The following AMPD3 variants were observed in gnomAD, a reference collection of about 807,000 sequenced individuals.
AMPD3 encodes the protein AMP deaminase 3.
Under a neutral mutation model 82.3 loss-of-function variants are expected in AMPD3, and 57 were observed. The observed-to-expected ratio is 0.69, with a 90% CI of 0.56 to 0.86. The LOEUF (loss-of-function observed/expected upper bound fraction) is 0.86, where lower values mean the gene tolerates loss of function less well. Ranked by LOEUF, AMPD3 falls within the 40% of genes least tolerant of loss-of-function variation. The probability of loss-of-function intolerance (pLI) is 0.00; values close to 1 mark genes in which losing one functional copy is unlikely to be tolerated. For synonymous variants in AMPD3, 381 were observed against 394.7 expected, an observed-to-expected ratio of 0.97 and a Z score of 0.41; for missense variants, 870 against 1,003.8, an observed-to-expected ratio of 0.87 and a Z score of 1.80.
At position 10,483,429 on chromosome 11, in the gene AMPD3, CT is replaced by C. The variant is rs967087760; in HGVS notation, c.589+1205del. 9.5e-4 allele frequency among the ~76,000 whole-genome samples: 145 copies of C among 152,338 alleles called. 2 individuals carry two copies. The highest frequency in any genetic ancestry group is 3.4e-3 in the African/African-American group (140 of 41,570). Reference sequence around the variant, plus strand: ...ATTTCAAGTCCTGTACTTTGAGCATCTGGGGCCCTAGGTAAATCTCAGCCCT... The same window carrying C: ...ATTTCAAGTCCTGTACTTTGAGCATCGGGGCCCTAGGTAAATCTCAGCCCT... On this transcript the variant is annotated intron_variant, in intron 4 of 14. Coordinates refer to ENST00000396553, the MANE Select transcript of AMPD3 (RefSeq NM_001025389.2).
At chr11:10,498,152 T>C (rs1023454217) in intron 10 of AMPD3, among the ~76,000 whole-genome samples, 3 of 152,248 alleles carry the variant, frequency 2.0e-5, no homozygotes, top group Non-Finnish European at 4.4e-5. Flanking sequence ...GCACAGCAGC[T>C]ACCAGCTTGC....
chr11:10,461,226 G>A (rs1163172627), intron 1 of AMPD3: 1 of 1,296,798 alleles, frequency 7.7e-7, no homozygotes, highest in Non-Finnish European at 9.9e-7. Context: ...GCCAGGTGCT[G>A]CAGATTCCCT....
intron 9 of AMPD3, 94 bp downstream of exon 9, chr11:10,495,827 C>G (rs1037454282): frequency 9.9e-6 from 15 of 1,508,696 alleles, no homozygotes; most frequent in Admixed American, 1.8e-5. Context: ...AGGGGTAGGG[C>G]CTGTTCTGGT....
At chr11:10,489,514 C>T (rs1236273712) in intron 6 of AMPD3, among the ~76,000 whole-genome samples, 1 of 152,158 alleles carries the variant, frequency 6.6e-6, no homozygotes, top group Non-Finnish European at 1.5e-5. Flanking sequence ...CCAGGGTTCT[C>T]CTGCAGTCTT....
At chr11:10,486,456 T>G in intron 5 of AMPD3, 1 of 637,406 alleles carries the variant, frequency 1.6e-6, no homozygotes, top group Non-Finnish European at 2.0e-6. Flanking sequence ...GGCTGGCAGT[T>G]GGCCACAGCA....
At chr11:10,500,573 C>T (rs4910146) in intron 11 of AMPD3, 457,200 of 981,722 alleles carry the variant, frequency 0.47, 107,022 homozygotes, top group East Asian at 0.67. Context: ...GCACACTCCA[C>T]GTGTACCTGT....
Position 10,500,089 on chromosome 11 carries a change from A to G in AMPD3, c.1561A>G (p.Thr521Ala). ...RELHLFLKYV[T>A]GFDSVDDESK... Reference sequence around the variant, plus strand: ...GCTCAGGACCTCTCCTGCCCAGGTGACGGGGTTTGACAGCGTGGATGATGA... The same window carrying G: ...GCTCAGGACCTCTCCTGCCCAGGTGGCGGGGTTTGACAGCGTGGATGATGA... Residue 521 changes from threonine to alanine, a missense_variant, in exon 11 of 15, where the codon ACG (threonine) becomes GCG (alanine). Thr to Ala is a moderately conservative substitution (Grantham distance 58). Coordinates refer to ENST00000396553, the MANE Select transcript of AMPD3 (RefSeq NM_001025389.2). The G allele has an allele frequency of 6.2e-7, 1 of 1,614,086 alleles. No individual in the cohort carries two copies. The highest frequency in any genetic ancestry group is 8.5e-7 in the Non-Finnish European group (1 of 1,179,998).
chr11:10,498,101 AC>A (rs1300209519), intron 10 of AMPD3, among the ~76,000 whole-genome samples: 1 of 152,152 alleles, frequency 6.6e-6, no homozygotes, highest in Non-Finnish European at 1.5e-5. Context: ...TGTACCCTGA[AC>A]CCCTATTCTA....
At chr11:10,474,834 G>A (rs951673831) in intron 2 of AMPD3, among the ~76,000 whole-genome samples, 15 of 152,250 alleles carry the variant, frequency 9.9e-5, no homozygotes, top group Non-Finnish European at 1.8e-4. Context: ...GGGAAGGAGG[G>A]GGTGTGCCAG....
rs1050978317 is a variant in AMPD3 at position 10,478,698 on chromosome 11, C to T, written c.394C>T (p.Arg132Trp). The change falls in exon 3 of 15, where the codon CGG becomes TGG. Residue 132 changes from arginine to tryptophan, a missense_variant. Physicochemically the swap from Arg to Trp is moderately radical, Grantham distance 101 (BLOSUM62 -3). Coordinates refer to ENST00000396553, the MANE Select transcript of AMPD3 (RefSeq NM_001025389.2). ...ACCCTATGCCATGCCTGAGTTCCAGCGGGTCACCATCAGCGGAGATTACTG... is the reference window on the plus strand; with the variant it reads ...ACCCTATGCCATGCCTGAGTTCCAGTGGGTCACCATCAGCGGAGATTACTG... ...PAPYAMPEFQ[R>W]VTISGDYCAG... is the part of the protein sequence containing the mutation. The T allele has an allele frequency of 6.2e-6, 10 of 1,613,738 alleles. No individual in the cohort carries two copies. Among genetic ancestry groups the T allele is most frequent in the Non-Finnish European group, 7.6e-6 (9 of 1,180,046 alleles).
chr11:10,472,312 A>C (rs897916860), intron 2 of AMPD3, among the ~76,000 whole-genome samples: 19 of 152,080 alleles, frequency 1.2e-4, no homozygotes, highest in Non-Finnish European at 1.6e-4. Context: ...GGGCTAGGGG[A>C]GGGATAGCAT....
intron 9 of AMPD3, chr11:10,496,282 CCTT>C (rs1849398076): frequency 1.0e-5 from 10 of 985,298 alleles, no homozygotes; most frequent in Non-Finnish European, 1.2e-5. Flanking sequence ...ACTACCCCCG[CCTT>C]CTTCTCATTG....
intron 12 of AMPD3, 54 bp downstream of exon 12, chr11:10,501,644 C>A: frequency 5.0e-6 from 8 of 1,613,706 alleles, no homozygotes; most frequent in Non-Finnish European, 5.9e-6. Flanking sequence ...GCCCTGGGCT[C>A]CTGGGAGGCT....
chr11:10,481,371 A>G (rs770066207), intron 3 of AMPD3: 9 of 889,684 alleles, frequency 1.0e-5, no homozygotes, highest in Non-Finnish European at 1.2e-5. Context: ...CTTCAGGGAT[A>G]GGACTCAGGC....
At chr11:10,461,121 C>A in intron 1 of AMPD3, 1 of 1,186,676 alleles carries the variant, frequency 8.4e-7, no homozygotes, top group South Asian at 1.6e-5. Context: ...ATTATTGTTG[C>A]AGCTATAACA....
Position 10,484,844 on chromosome 11 carries a change from A to G in AMPD3, c.614A>G (p.Gln205Arg), listed in dbSNP as rs781424869. Reference sequence around the variant, plus strand: ...GACTTCCACCCTCCTCCACTGCCCCAGGAAGACCCCTACTGCCTGGATGAT... The same window carrying G: ...GACTTCCACCCTCCTCCACTGCCCCGGGAAGACCCCTACTGCCTGGATGAT... ...LPDFHPPPLP[Q>R]EDPYCLDDAP... is the part of the protein sequence containing the mutation. Residue 205 changes from glutamine (Q) to arginine (R), a missense_variant, in exon 5 of 15, where the codon CAG becomes CGG. By Grantham distance (43) the Gln-to-Arg change is conservative. Coordinates refer to ENST00000396553, the MANE Select transcript of AMPD3 (RefSeq NM_001025389.2). 2 of 1,614,030 alleles carry G rather than the reference A, an allele frequency of 1.2e-6. No homozygotes were observed. The highest frequency in any genetic ancestry group is 1.7e-6 in the Non-Finnish European group (2 of 1,179,990).
At chr11:10,489,654 G>A (rs1849183817) in intron 6 of AMPD3, among the ~76,000 whole-genome samples, 2 of 152,006 alleles carry the variant, frequency 1.3e-5, no homozygotes, top group Non-Finnish European at 2.9e-5. Context: ...CCCGCCCCTG[G>A]GTGCTGCCTA....
intron 2 of AMPD3, among the ~76,000 whole-genome samples, chr11:10,465,407 G>C (rs1044498429): frequency 6.6e-6 from 1 of 152,174 alleles, no homozygotes; most frequent in African/African-American, 2.4e-5. Flanking sequence ...TAAAAAATTA[G>C]GATATAGTTA....
chr11:10,499,976 C>T (rs1849529594), intron 10 of AMPD3, 110 bp from the exon 11 acceptor site: 2 of 1,550,546 alleles, frequency 1.3e-6, no homozygotes, highest in Non-Finnish European at 1.8e-6. Flanking sequence ...AGGTGTGAAC[C>T]TGAGGGGCCC....
Sources: gnomAD v4.1 joint callset for allele counts (sites outside exome capture counted in the v4.1 genomes callset) on GRCh38, gnomAD v4.1.1 for gene constraint, MANE v1.5 for transcripts, NCBI Gene and HGNC (gene_info 2026-07-23, HGNC 2026-07-21) for gene names.